Variants in MACROD2 observed in about 807,000 individuals in gnomAD.
The protein encoded by MACROD2 is mono-ADP ribosylhydrolase 2, also known as ADP-ribose glycohydrolase MACROD2.
Under a neutral mutation model 70.4 loss-of-function variants are expected in MACROD2, and 36 were observed. That is an observed-to-expected ratio of 0.51 (90% confidence interval 0.39 to 0.68). The LOEUF (loss-of-function observed/expected upper bound fraction) is 0.68, where lower values mean the gene tolerates loss of function less well. Ranked by LOEUF, MACROD2 falls within the 30% of genes least tolerant of loss-of-function variation. The probability of loss-of-function intolerance (pLI) is 0.00; values close to 1 mark genes in which losing one functional copy is unlikely to be tolerated. For synonymous variants in MACROD2, 172 were observed against 178.8 expected, an observed-to-expected ratio of 0.96 and a Z score of 0.30; for missense variants, 496 against 538.4, an observed-to-expected ratio of 0.92 and a Z score of 0.78.
intron 15 of MACROD2, among the ~76,000 whole-genome samples, chr20:15,991,057 A>C (rs1393914098): frequency 5.2e-5 from 1 of 19,222 alleles, no homozygotes; most frequent in East Asian, 1.5e-3. Context: ...TAGGCCAGGC[A>C]AAAAAAAATC....
intron 3 of MACROD2, among the ~76,000 whole-genome samples, chr20:14,149,907 C>T (rs1484155637): frequency 6.6e-6 from 1 of 151,952 alleles, no homozygotes; most frequent in Non-Finnish European, 1.5e-5. Context: ...TTTTCCCAGA[C>T]AAATCCTAAA....
chr20:15,524,742 G>A (rs6110653), intron 8 of MACROD2, among the ~76,000 whole-genome samples: 4,183 of 152,166 alleles, frequency 0.027, 197 homozygotes, highest in African/African-American at 0.092. Flanking sequence ...GCACTATACC[G>A]TTCCTTGAGC....
chr20:15,809,876 T>A (rs1161563849), intron 8 of MACROD2, among the ~76,000 whole-genome samples: 10 of 150,780 alleles, frequency 6.6e-5, no homozygotes, highest in Non-Finnish European at 1.3e-4. Context: ...TTTTTTTTTT[T>A]ATTATACTTT....
At chr20:14,759,670 A>G (rs915435267) in intron 5 of MACROD2, among the ~76,000 whole-genome samples, 2 of 152,154 alleles carry the variant, frequency 1.3e-5, no homozygotes, top group Non-Finnish European at 2.9e-5. Context: ...AAATAAAAGC[A>G]CAAAAATTAC....
intron 8 of MACROD2, among the ~76,000 whole-genome samples, chr20:15,715,787 A>C (rs2050699632): frequency 6.6e-6 from 1 of 152,168 alleles, no homozygotes; most frequent in South Asian, 2.1e-4. Context: ...TTGCCTGCCA[A>C]GCCCTAATCG....
At chr20:14,962,921 A>T (rs1305187383) in intron 5 of MACROD2, among the ~76,000 whole-genome samples, 2 of 152,062 alleles carry the variant, frequency 1.3e-5, no homozygotes, top group East Asian at 1.9e-4. Context: ...TACCCAAATC[A>T]TTTACAATTT....
intron 15 of MACROD2, among the ~76,000 whole-genome samples, chr20:16,023,867 A>G (rs756352814): frequency 1.3e-5 from 2 of 152,124 alleles, no homozygotes; most frequent in African/African-American, 2.4e-5. Context: ...TGATTCCCAA[A>G]TTCTATGCGC....
At chr20:14,683,240 A>G (rs1439322184) in intron 4 of MACROD2, among the ~76,000 whole-genome samples, 1 of 152,212 alleles carries the variant, frequency 6.6e-6, no homozygotes, top group African/African-American at 2.4e-5. Context: ...TTTGATTTAG[A>G]GTACTTAAGA....
At chr20:14,265,921 C>T (rs899947769) in intron 3 of MACROD2, among the ~76,000 whole-genome samples, 19 of 151,956 alleles carry the variant, frequency 1.3e-4, no homozygotes, top group East Asian at 3.9e-4. Context: ...GGACTACAGG[C>T]GCATGCCACC....
At chr20:15,839,348 T>C (rs1480322225) in intron 8 of MACROD2, among the ~76,000 whole-genome samples, 1 of 152,108 alleles carries the variant, frequency 6.6e-6, no homozygotes, top group Non-Finnish European at 1.5e-5. Flanking sequence ...CATGGTCTCA[T>C]TGTGAGAAAA....
intron 6 of MACROD2, among the ~76,000 whole-genome samples, chr20:15,242,511 T>A (rs773605407): frequency 2.0e-5 from 3 of 152,206 alleles, no homozygotes; most frequent in Non-Finnish European, 4.4e-5. Flanking sequence ...TTTATTGTGA[T>A]GTCTTTGTTT....
At chr20:15,255,928 C>G (rs2077195518) in intron 6 of MACROD2, among the ~76,000 whole-genome samples, 1 of 152,002 alleles carries the variant, frequency 6.6e-6, no homozygotes, top group African/African-American at 2.4e-5. Flanking sequence ...AAGTGGGAGC[C>G]CAGGAAACTG....
chr20:16,015,217 C>T (rs2066913727), intron 15 of MACROD2, among the ~76,000 whole-genome samples: 1 of 152,254 alleles, frequency 6.6e-6, no homozygotes, highest in Non-Finnish European at 1.5e-5. Flanking sequence ...ACTAAGCAGA[C>T]AATTTAAATG....
intron 2 of MACROD2, among the ~76,000 whole-genome samples, chr20:14,081,661 G>A (rs2053996665): frequency 1.3e-5 from 2 of 152,192 alleles, no homozygotes; most frequent in Admixed American, 6.5e-5. Flanking sequence ...GAAAAGGAAG[G>A]CAAGGCATTG....
chr20:14,806,295 C>A (rs751390034), intron 5 of MACROD2, among the ~76,000 whole-genome samples: 1 of 152,048 alleles, frequency 6.6e-6, no homozygotes, highest in Non-Finnish European at 1.5e-5. Context: ...GGGTGCAGCC[C>A]ATGGAGGGCG....
intron 5 of MACROD2, among the ~76,000 whole-genome samples, chr20:14,737,285 A>G (rs552257276): frequency 2.0e-5 from 3 of 152,176 alleles, no homozygotes; most frequent in Admixed American, 1.3e-4. Context: ...ACGTGAACTC[A>G]TCCTTTTTTG....
chr20:14,612,071 A>G (rs1983206251), intron 4 of MACROD2, among the ~76,000 whole-genome samples: 1 of 152,142 alleles, frequency 6.6e-6, no homozygotes, highest in African/African-American at 2.4e-5. Context: ...GGCATTTAAA[A>G]ATACTGGGCT....
At chr20:14,370,822 A>C (rs2083315432) in intron 3 of MACROD2, among the ~76,000 whole-genome samples, 1 of 152,172 alleles carries the variant, frequency 6.6e-6, no homozygotes, top group African/African-American at 2.4e-5. Flanking sequence ...CCTGTGCTTT[A>C]TTAAGTAACA....
At chr20:14,060,398 C>A (rs995529208) in intron 2 of MACROD2, among the ~76,000 whole-genome samples, 4 of 152,050 alleles carry the variant, frequency 2.6e-5, no homozygotes, top group Non-Finnish European at 5.9e-5. Context: ...ATTACCAGAC[C>A]TTTTAGCTTT....
Sources: gnomAD v4.1 joint callset for allele counts (sites outside exome capture counted in the v4.1 genomes callset) on GRCh38, gnomAD v4.1.1 for gene constraint, MANE v1.5 for transcripts, NCBI Gene and HGNC (gene_info 2026-07-23, HGNC 2026-07-21) for gene names.